The following JMJD1C variants were observed in gnomAD, a reference collection of about 807,000 sequenced individuals.
JMJD1C encodes jumonji domain-containing protein 1C.
A neutral mutation model predicts 245.3 loss-of-function variants in JMJD1C; 31 were observed. That is an observed-to-expected ratio of 0.13 (90% CI 0.09 to 0.17). The LOEUF (loss-of-function observed/expected upper bound fraction) is 0.17. Ranked by LOEUF, JMJD1C falls within the 10% of genes least tolerant of loss-of-function variation. JMJD1C has a pLI of 1.00. For synonymous variants in JMJD1C, 1,057 were observed against 1,017.4 expected (o/e 1.04, Z -0.74); for missense variants, 2,691 against 3,000.2 (o/e 0.90, Z 2.41).
intron 1 of JMJD1C, among the ~76,000 whole-genome samples, chr10:63,422,138 G>A (rs1038327324): frequency 2.4e-4 from 37 of 152,274 alleles, no homozygotes; most frequent in African/African-American, 8.7e-4. Context: ...GGGGCTGGGC[G>A]CAGCGGCTCA....
intron 5 of JMJD1C, 70 bp downstream of exon 5, chr10:63,217,136 GA>G: frequency 7.7e-7 from 1 of 1,304,316 alleles, no homozygotes; most frequent in South Asian, 1.4e-5. Flanking sequence ...TCAAATTGTT[GA>G]TGTATTTTGG....
intron 2 of JMJD1C, among the ~76,000 whole-genome samples, chr10:63,360,785 G>C (rs1945258795): frequency 1.3e-5 from 2 of 151,686 alleles, no homozygotes; most frequent in African/African-American, 4.9e-5. Context: ...TAAAAGTATA[G>C]TTTCTTTTTT....
intron 1 of JMJD1C, among the ~76,000 whole-genome samples, chr10:63,444,571 G>A (rs1296645533): frequency 1.3e-5 from 2 of 151,912 alleles, no homozygotes; most frequent in East Asian, 3.9e-4. Context: ...TCCGTACCCG[G>A]TGGACATTTC....
At position 63,192,519 on chromosome 10, in the gene JMJD1C, G is replaced by C. The variant is rs914077567; in HGVS notation, c.6076+419C>G. 3.3e-5 allele frequency among the ~76,000 whole-genome samples: 5 copies of C among 152,318 alleles called. No homozygotes were observed. The East Asian group carries it at 9.6e-4, about 29-fold the overall frequency. ...GGAGGCAGAGATTGCAGTGAGCCAA[G>C]ATCGTGCCATTGCACTCTAGACTGG... On this transcript the variant is annotated intron_variant, in intron 16 of 25. Coordinates refer to ENST00000399262, the MANE Select transcript of JMJD1C (RefSeq NM_032776.3).
In JMJD1C at chr10:63,207,850, C is replaced by T. The variant is rs917044261; in HGVS notation, c.3819G>A (p.Thr1273=). The part of the protein sequence containing the change: ...NFKSSSEQSL[T]EMWRPNNNLS... Reference sequence around the variant, plus strand: ...GGTTATTATTAGGTCTCCACATCTCCGTCAAACTCTGTTCTGAAGAACTCT... The same window carrying T: ...GGTTATTATTAGGTCTCCACATCTCTGTCAAACTCTGTTCTGAAGAACTCT... The change falls in exon 10 of 26, where the codon ACG becomes ACA. Residue 1273 remains threonine (T), a synonymous_variant. Coordinates refer to ENST00000399262, the MANE Select transcript of JMJD1C (RefSeq NM_032776.3). 14 of 1,614,030 alleles carry T rather than the reference C, an allele frequency of 8.7e-6. No individual in the cohort carries two copies. The highest frequency in any genetic ancestry group is 2.2e-5 in the South Asian group (2 of 91,088).
chr10:63,521,641 G>T (rs995119069), intron 1 of JMJD1C: 4 of 1,222,946 alleles, frequency 3.3e-6, no homozygotes, highest in South Asian at 4.0e-5. Flanking sequence ...GGAAGGGGAA[G>T]GAGCCGAGAG....
chr10:63,319,445 GTTTC>G (rs953513769), intron 2 of JMJD1C, among the ~76,000 whole-genome samples: 3 of 149,822 alleles, frequency 2.0e-5, no homozygotes, highest in African/African-American at 4.9e-5. Flanking sequence ...CGTATGTTGT[GTTTC>G]TTTCTTCTCT....
intron 1 of JMJD1C, among the ~76,000 whole-genome samples, chr10:63,414,263 G>A (rs934586002): frequency 1.3e-5 from 2 of 152,152 alleles, no homozygotes; most frequent in Non-Finnish European, 2.9e-5. Flanking sequence ...TGGGATCACA[G>A]GCATGAGCCA....
chr10:63,338,503 T>C (rs1349440809), intron 2 of JMJD1C, among the ~76,000 whole-genome samples: 3 of 151,978 alleles, frequency 2.0e-5, no homozygotes, highest in Admixed American at 6.6e-5. Flanking sequence ...TCAGATAAAA[T>C]TTAAGTAGGC....
intron 1 of JMJD1C, chr10:63,427,965 C>T (rs764734413): frequency 7.1e-6 from 5 of 701,132 alleles, no homozygotes; most frequent in Non-Finnish European, 1.3e-5. Context: ...AGCTCATTGC[C>T]ACCACAGCAT....
At chr10:63,451,386 C>A (rs1198953745) in intron 1 of JMJD1C, among the ~76,000 whole-genome samples, 1 of 152,086 alleles carries the variant, frequency 6.6e-6, no homozygotes, top group Non-Finnish European at 1.5e-5. Context: ...ACTACAAACC[C>A]ACAGTAATCA....
intron 1 of JMJD1C, among the ~76,000 whole-genome samples, chr10:63,478,754 T>G (rs1057075535): frequency 2.0e-5 from 3 of 152,044 alleles, no homozygotes; most frequent in Admixed American, 6.6e-5. Flanking sequence ...AGGCTTAGTA[T>G]TTAGGGTTTT....
chr10:63,337,514 A>G lies in JMJD1C; in HGVS notation c.333+42804T>C, dbSNP rs369119634. Among the ~76,000 whole-genome samples the G allele has an allele frequency of 8.2e-3, 389 of 47,560 alleles. 19 individuals are homozygous for G. Among genetic ancestry groups the G allele is most frequent in the African/African-American group, 0.039 (357 of 9,258 alleles). 31.2% of individuals were successfully genotyped at this position (47,560 alleles called of 152,430 possible). On this transcript the variant is annotated intron_variant, in intron 2 of 25. Coordinates refer to ENST00000399262, the MANE Select transcript of JMJD1C (RefSeq NM_032776.3). ...GAAAGAAGAGAAAAGAGAAGGGAGGAGAAGGGAGGGGAAGGGAGGGGAGGG... is the reference window on the plus strand; with the variant it reads ...GAAAGAAGAGAAAAGAGAAGGGAGGGGAAGGGAGGGGAAGGGAGGGGAGGG...
chr10:63,247,315 T>C (rs1286148664), intron 3 of JMJD1C, among the ~76,000 whole-genome samples: 3 of 151,928 alleles, frequency 2.0e-5, no homozygotes, highest in African/African-American at 7.2e-5. Flanking sequence ...TATCAACAAC[T>C]ATACAAGCTA....
chr10:63,254,472 C>T (rs1427818783), intron 3 of JMJD1C, among the ~76,000 whole-genome samples: 1 of 152,144 alleles, frequency 6.6e-6, no homozygotes, highest in Non-Finnish European at 1.5e-5. Flanking sequence ...AAATAGGAGA[C>T]ACTTCACACT....
chr10:63,184,533 T>G (rs1164349178), intron 21 of JMJD1C, 75 bp downstream of exon 21: 5 of 1,355,548 alleles, frequency 3.7e-6, no homozygotes, highest in Admixed American at 2.4e-5. Flanking sequence ...CGTGAGCCAC[T>G]ATGCCCGGCC....
chr10:63,485,079 T>G (rs1953952618), intron 1 of JMJD1C, among the ~76,000 whole-genome samples: 1 of 151,308 alleles, frequency 6.6e-6, no homozygotes, highest in Non-Finnish European at 1.5e-5. Context: ...TCATAAAGAT[T>G]AAAATAAATA....
rs1842976585 is a variant in JMJD1C, at chr10:63,177,630, T to C, written c.7224+87A>G. On this transcript the variant is annotated intron_variant, in intron 23 of 25. Coordinates refer to ENST00000399262, the MANE Select transcript of JMJD1C (RefSeq NM_032776.3). ...AAGTAAAAATTATGTAATGGTCTTA[T>C]ATTGTTGAATGCCAAGTGAAGGTAC... 4.3e-6 allele frequency: 6 copies of C among 1,380,596 alleles called. No individual in the cohort carries two copies. The South Asian group carries it at 4.9e-5, about 11-fold the overall frequency. 85.5% of individuals were successfully genotyped at this position (1,380,596 alleles called of 1,614,324 possible). A position where few individuals can be genotyped will look rare whatever the true frequency, so the allele number is the denominator to read the frequency against.
chr10:63,176,611 T>A, intron 23 of JMJD1C, 138 bp from the exon 24 acceptor site: 1 of 650,430 alleles, frequency 1.5e-6, no homozygotes, highest in South Asian at 2.2e-5. Context: ...GCTTCTTCAG[T>A]TAAAAAATAA....
Sources: gnomAD v4.1 joint callset for allele counts (sites outside exome capture counted in the v4.1 genomes callset) on GRCh38, gnomAD v4.1.1 for gene constraint, MANE v1.5 for transcripts, NCBI Gene and HGNC (gene_info 2026-07-23, HGNC 2026-07-21) for gene names.